Variants in CBFB observed in about 807,000 individuals in gnomAD.
CBFB encodes CBF-beta.
A neutral mutation model predicts 30.4 loss-of-function variants in CBFB; 9 were observed. The observed-to-expected ratio is 0.30, with a 90% CI of 0.18 to 0.52. The LOEUF is 0.52. Among genes scored for constraint, CBFB ranks in the 20% least tolerant of loss-of-function variants. CBFB has a pLI of 0.97. For missense variants in CBFB, 170 were observed against 244.0 expected (o/e 0.70, Z 2.02); for synonymous variants, 94 against 84.0 (o/e 1.12, Z -0.65).
intron 4 of CBFB, among the ~76,000 whole-genome samples, chr16:67,079,606 C>CATT (rs1961500278): frequency 7.0e-6 from 1 of 142,672 alleles, no homozygotes; most frequent in South Asian, 2.3e-4. Flanking sequence ...ACTGTGTCCT[C>CATT]ATTATTATGT....
intron 5 of CBFB, among the ~76,000 whole-genome samples, chr16:67,085,634 A>G (rs183799101): frequency 1.2e-4 from 18 of 150,178 alleles, no homozygotes; most frequent in Admixed American, 9.9e-4. Context: ...TGCTGGGATT[A>G]CAGATGTGAA....
chr16:67,044,980 CTTAG>C (rs1163139549), intron 3 of CBFB, among the ~76,000 whole-genome samples: 1 of 152,210 alleles, frequency 6.6e-6, no homozygotes, highest in East Asian at 1.9e-4. Context: ...ATTGACAGCA[CTTAG>C]TTATTGACAG....
chr16:67,092,698 C>CTTTTTTTTTTTTGTTTTTTTTTTTTTTTT (rs1961926439), intron 5 of CBFB, among the ~76,000 whole-genome samples: 1 of 33,492 alleles, frequency 3.0e-5, no homozygotes, highest in African/African-American at 1.2e-4. Context: ...GTGGTGCAAT[C>CTTTTTTTTTTTTGTTTTTTTTTTTTTTTT]TTTTTTTTTT....
In CBFB at chr16:67,092,696, A is replaced by ATTTTTTTTTTTTTTTTTTTTTTTT. The variant is rs1162307047; in HGVS notation, c.496-6013_496-6012insTTTTTTTTTTTTTTTTTTTTTTTT. On this transcript the variant is annotated intron_variant, in intron 5 of 5. Coordinates refer to ENST00000412916, the MANE Select transcript of CBFB (RefSeq NM_022845.3). ...ACCCAGGCTAGGTTACAGTGGTGCAATCTTTTTTTTTTTTTTTTTTTTTTT... is the reference window on the plus strand; with the variant it reads ...ACCCAGGCTAGGTTACAGTGGTGCAATTTTTTTTTTTTTTTTTTTTTTTTTCTTTTTTTTTTTTTTTTTTTTTTT... Among the ~76,000 whole-genome samples the ATTTTTTTTTTTTTTTTTTTTTTTT allele has an allele frequency of 9.5e-5, 9 of 94,658 alleles. 1 individual carries two copies. The highest frequency in any genetic ancestry group is 2.4e-4 in the African/African-American group (5 of 21,126). 62.1% of individuals were successfully genotyped at this position (94,658 alleles called of 152,430 possible).
chr16:67,038,254 CTTTGAGAAATATTTAATTT>C (rs1363857050), intron 3 of CBFB, among the ~76,000 whole-genome samples: 3 of 150,666 alleles, frequency 2.0e-5, no homozygotes, highest in Non-Finnish European at 3.0e-5. Context: ...CTAAATATTC[CTTTGAGAAATATTTAATTT>C]AATCTTGTGT....
At position 67,029,425 on chromosome 16, in the gene CBFB, C is replaced by G. The variant is rs775966318; in HGVS notation, c.18C>G (p.Pro6=). The stretch of plus-strand genomic sequence containing the variant: ...GCGGGAAGATGCCGCGCGTCGTGCC[C>G]GACCAGAGAAGCAAGTTCGAGAACG... MPRVV[P]DQRSKFENEE... The change falls in exon 1 of 6, where the codon CCC becomes CCG. Residue 6 remains proline (P), a synonymous_variant. Coordinates refer to ENST00000412916, the MANE Select transcript of CBFB (RefSeq NM_022845.3). 14 of 1,581,346 alleles carry G rather than the reference C, an allele frequency of 8.9e-6. No individual in the cohort carries two copies. Among genetic ancestry groups the G allele is most frequent in the South Asian group, 3.4e-5 (3 of 87,352 alleles).
intron 3 of CBFB, among the ~76,000 whole-genome samples, chr16:67,045,733 G>T (rs897321789): frequency 5.9e-5 from 9 of 151,782 alleles, no homozygotes; most frequent in Non-Finnish European, 5.9e-5. Context: ...GTGAGAGAAG[G>T]CAGAAATAAT....
intron 3 of CBFB, among the ~76,000 whole-genome samples, chr16:67,044,132 T>C (rs1489985065): frequency 6.6e-6 from 1 of 152,236 alleles, no homozygotes; most frequent in Non-Finnish European, 1.5e-5. Flanking sequence ...CCATAAATTA[T>C]TAGTCTTGAG....
rs1459748587 is a variant in CBFB at position 67,029,534 on chromosome 16, G to A, written c.78+49G>A. 4 of 1,532,888 alleles carry A rather than the reference G, an allele frequency of 2.6e-6. No homozygotes were observed. The East Asian group carries it at 1.0e-4, about 39-fold the overall frequency. The allele number at this position is 1,532,888 out of a possible 1,614,324, so 95.0% of individuals were successfully genotyped here. A position where few individuals can be genotyped will look rare whatever the true frequency, so the allele number is the denominator to read the frequency against. ...AGGAGGCCGCAGCGCGCCCCGAGTG[G>A]GCCCGGGCGGAGAAAAGTTTGGGCG... is the stretch of plus-strand genomic sequence containing the variant. On this transcript the variant is annotated intron_variant, in intron 1 of 5. Coordinates refer to ENST00000412916, the MANE Select transcript of CBFB (RefSeq NM_022845.3).
chr16:67,044,235 C>G (rs925633361), intron 3 of CBFB, among the ~76,000 whole-genome samples: 1 of 151,926 alleles, frequency 6.6e-6, no homozygotes, highest in African/African-American at 2.4e-5. Context: ...CTTTGCGATC[C>G]CAGTTTATGA....
chr16:67,051,221 G>A (rs1212347449), intron 3 of CBFB, among the ~76,000 whole-genome samples: 1 of 152,066 alleles, frequency 6.6e-6, no homozygotes, highest in African/African-American at 2.4e-5. Flanking sequence ...ATAATAAAAG[G>A]AACATAGGTA....
At chr16:67,034,726 T>G (rs1966412333) in intron 2 of CBFB, among the ~76,000 whole-genome samples, 1 of 152,186 alleles carries the variant, frequency 6.6e-6, no homozygotes, top group Admixed American at 6.6e-5. Context: ...TGGAAGGATT[T>G]GCTACTACGT....
chr16:67,092,753 C>T (rs1239789869), intron 5 of CBFB, among the ~76,000 whole-genome samples: 1 of 132,246 alleles, frequency 7.6e-6, no homozygotes, highest in African/African-American at 3.2e-5. Flanking sequence ...CACTCTGCTG[C>T]CCAGGCTGGA....
chr16:67,039,473 A>G lies in CBFB; in HGVS notation c.282+2718A>G, dbSNP rs991894250. Among the ~76,000 whole-genome samples the G allele has an allele frequency of 2.0e-5, 3 of 152,318 alleles. No homozygotes were observed. In the East Asian group the frequency reaches 5.8e-4, roughly 29 times the overall value. On this transcript the variant is annotated intron_variant, in intron 3 of 5. Coordinates refer to ENST00000412916, the MANE Select transcript of CBFB (RefSeq NM_022845.3). ...AGTATGCTTAGGCCGCACTAAATCT[A>G]TAAAAATTAAGCAATTGCACTGCAA... is the stretch of plus-strand genomic sequence containing the variant.
chr16:67,072,933 G>T (rs1257345741), intron 4 of CBFB, among the ~76,000 whole-genome samples: 1 of 151,974 alleles, frequency 6.6e-6, no homozygotes, highest in Non-Finnish European at 1.5e-5. Context: ...GGCTGGTCTT[G>T]AATTGCTGGC....
intron 5 of CBFB, among the ~76,000 whole-genome samples, chr16:67,083,527 C>T (rs1162942394): frequency 1.3e-5 from 2 of 152,042 alleles, no homozygotes; most frequent in African/African-American, 4.8e-5. Context: ...GACTCCTGAC[C>T]TCATGATCCA....
At chr16:67,098,620 T>G (rs1962125202) in intron 5 of CBFB, 90 bp from the exon 6 acceptor site, 1 of 685,888 alleles carries the variant, frequency 1.5e-6, no homozygotes, top group East Asian at 2.8e-5. Flanking sequence ...TATGAAGTTT[T>G]TCTGTGTGCT....
intron 5 of CBFB, among the ~76,000 whole-genome samples, chr16:67,097,877 A>T (rs1236837578): frequency 6.6e-6 from 1 of 152,078 alleles, no homozygotes. Flanking sequence ...GTAATGTGCT[A>T]TGTTCGTACC....
At chr16:67,045,095 TTATA>T (rs59081635) in intron 3 of CBFB, among the ~76,000 whole-genome samples, 1 of 149,692 alleles carries the variant, frequency 6.7e-6, no homozygotes, top group Non-Finnish European at 1.5e-5. Flanking sequence ...AACTGCAAGC[TTATA>T]TATATATATA....
Sources: allele counts gnomAD v4.1 joint callset (sites outside exome capture counted in the v4.1 genomes callset), GRCh38; gene constraint gnomAD v4.1.1; transcripts MANE v1.5; gene names NCBI Gene and HGNC (gene_info 2026-07-23, HGNC 2026-07-21).